The following FARSB variants were observed in gnomAD, a reference collection of about 807,000 sequenced individuals.
FARSB encodes the protein phenylalanine--tRNA ligase beta subunit.
In FARSB, 40 loss-of-function variants were observed where a neutral mutation model predicts 69.6. The ratio of observed to expected loss-of-function variants is 0.57; its 90% CI spans 0.45 to 0.75. The LOEUF is 0.75. Ranked by LOEUF, FARSB falls within the 30% of genes least tolerant of loss-of-function variation. The pLI is 0.00. For missense variants in FARSB, 632 were observed against 722.9 expected, an observed-to-expected ratio of 0.87 and a Z score of 1.44; for synonymous variants, 235 against 247.2, an observed-to-expected ratio of 0.95 and a Z score of 0.46.
intron 16 of FARSB, among the ~76,000 whole-genome samples, chr2:222,579,192 G>A (rs1689909495): frequency 6.6e-6 from 1 of 152,140 alleles, no homozygotes; most frequent in African/African-American, 2.4e-5. Context: ...GTGAATAAGG[G>A]CCGTGGAATC....
chr2:222,607,210 G>C (rs1346628020), intron 15 of FARSB, among the ~76,000 whole-genome samples: 1 of 152,106 alleles, frequency 6.6e-6, no homozygotes, highest in Non-Finnish European at 1.5e-5. Context: ...AGGATGCTAA[G>C]TTTGTAAAAA....
chr2:222,613,198 A>G (rs1690902683), intron 15 of FARSB, among the ~76,000 whole-genome samples: 1 of 152,262 alleles, frequency 6.6e-6, no homozygotes, highest in Non-Finnish European at 1.5e-5. Flanking sequence ...ATTCAAATAA[A>G]TTAATCATGA....
At chr2:222,592,556 A>G (rs1690301770) in intron 16 of FARSB, among the ~76,000 whole-genome samples, 1 of 151,814 alleles carries the variant, frequency 6.6e-6, no homozygotes, top group African/African-American at 2.4e-5. Context: ...CATCCTAAAA[A>G]TCCTTTGAAC....
intron 16 of FARSB, among the ~76,000 whole-genome samples, chr2:222,574,930 A>C (rs1689799818): frequency 1.3e-5 from 2 of 152,238 alleles, no homozygotes; most frequent in Admixed American, 1.3e-4. Flanking sequence ...TGTAAACTAG[A>C]AATACTGAAG....
intron 16 of FARSB, among the ~76,000 whole-genome samples, chr2:222,589,192 C>A (rs1341073492): frequency 6.6e-6 from 1 of 152,044 alleles, no homozygotes; most frequent in African/African-American, 2.4e-5. Flanking sequence ...AGAACAGAGC[C>A]CTCAGAAATA....
At chr2:222,624,096 AACTT>A (rs1371187016) in intron 12 of FARSB, among the ~76,000 whole-genome samples, 172 bp downstream of exon 12, 1 of 152,226 alleles carries the variant, frequency 6.6e-6, no homozygotes, top group Non-Finnish European at 1.5e-5. Context: ...ACAGGTTTTC[AACTT>A]ACTCTAATCA....
chr2:222,639,525 T>C, intron 5 of FARSB, 55 bp downstream of exon 5: 1 of 753,154 alleles, frequency 1.3e-6, no homozygotes, highest in Non-Finnish European at 2.3e-6. Context: ...GGAAAGGAGA[T>C]AGGGAGACAA....
At position 222,633,238 on chromosome 2, in the gene FARSB, T is replaced by A. The variant is rs1691483858; in HGVS notation, c.676A>T (p.Ser226Cys). 1.3e-6 allele frequency: 2 copies of A among 1,583,352 alleles called. No homozygotes were observed. Among genetic ancestry groups the A allele is most frequent in the Non-Finnish European group, 1.7e-6 (2 of 1,154,338 alleles). ...GGCATTGAAAGGACGACACCATTGC[T>A]ATCATAGATAACTGGATACAGGGGT... Reference protein sequence around the residue: ...NKPLYPVIYDSNGVVLSMPPI... With the variant: ...NKPLYPVIYDCNGVVLSMPPI... Residue 226 changes from serine (S) to cysteine (C), a missense_variant, in exon 7 of 17, where the codon AGC becomes TGC. Physicochemically the swap from Ser to Cys is moderately radical, Grantham distance 112. Coordinates refer to ENST00000281828, the MANE Select transcript of FARSB (RefSeq NM_005687.5).
Position 222,634,386 on chromosome 2 carries a change from T to C in FARSB, c.606+5A>G, listed in dbSNP as rs1420702579. ...AGCTGCTGCATAATCAAAAAGAATATTTACCTTGTATATGTTCATCAGTTC... is the reference window on the plus strand; with the variant it reads ...AGCTGCTGCATAATCAAAAAGAATACTTACCTTGTATATGTTCATCAGTTC... On this transcript the variant is annotated splice_donor_5th_base_variant and intron_variant, in intron 6 of 16. Transcript: ENST00000281828. The C allele has an allele frequency of 1.3e-6, 2 of 1,546,432 alleles. No homozygotes were observed. Among genetic ancestry groups the C allele is most frequent in the African/African-American group, 2.8e-5 (2 of 72,442 alleles).
At chr2:222,602,671 G>A (rs1298021349) in intron 15 of FARSB, among the ~76,000 whole-genome samples, 4 of 150,534 alleles carry the variant, frequency 2.7e-5, no homozygotes, top group Non-Finnish European at 4.4e-5. Flanking sequence ...TGTGCACAAC[G>A]TGCAGGTTTG....
At chr2:222,642,342 A>C (rs1691744244) in intron 3 of FARSB, among the ~76,000 whole-genome samples, 1 of 152,160 alleles carries the variant, frequency 6.6e-6, no homozygotes, top group African/African-American at 2.4e-5. Flanking sequence ...GGGCCTTATA[A>C]ATCTTCTTCA....
At chr2:222,589,940 T>G (rs1454822091) in intron 16 of FARSB, among the ~76,000 whole-genome samples, 1 of 152,194 alleles carries the variant, frequency 6.6e-6, no homozygotes, top group Non-Finnish European at 1.5e-5. Context: ...GTTCAACCAT[T>G]GTGGAAGACA....
chr2:222,573,840 G>A (rs1205162654), intron 16 of FARSB, among the ~76,000 whole-genome samples: 1 of 152,162 alleles, frequency 6.6e-6, no homozygotes, highest in East Asian at 1.9e-4. Context: ...GATTCAACGG[G>A]TACGTGTTCA....
chr2:222,652,664 G>A (rs1304611348), intron 1 of FARSB, among the ~76,000 whole-genome samples: 1 of 152,178 alleles, frequency 6.6e-6, no homozygotes, highest in Non-Finnish European at 1.5e-5. Flanking sequence ...GAATGAACCT[G>A]AAAGCAGTTT....
chr2:222,619,695 A>C lies in FARSB; in HGVS notation c.1294T>G (p.Ser432Ala), dbSNP rs760276039. ...DIADKLGVDI[S>A]ATKAVHISNP... ...CTTATGTGGACTGCCTTTGTTGCAG[A>C]GATATCCACACCTAGTTTATCAGCA... is the stretch of plus-strand genomic sequence containing the variant. The change falls in exon 14 of 17, where the codon TCT (serine) becomes GCT (alanine). Residue 432 changes from serine (S) to alanine (A), a missense_variant. Physicochemically the swap from Ser to Ala is moderately conservative, Grantham distance 99. Transcript: ENST00000281828. The C allele has an allele frequency of 2.5e-6, 4 of 1,607,938 alleles. No individual in the cohort carries two copies. In the African/African-American group the frequency reaches 5.3e-5, roughly 22 times the overall value.
Position 222,648,208 on chromosome 2 carries a change from C to T in FARSB, c.114+532G>A, listed in dbSNP as rs192351783. On this transcript the variant is annotated intron_variant, in intron 2 of 16. Coordinates refer to ENST00000281828, the MANE Select transcript of FARSB (RefSeq NM_005687.5). Reference sequence around the variant, plus strand: ...TTTTTTAAATATTGTAATCATTATACAATCAAAAGTCAAAGAAAATGCTTC... The same window carrying T: ...TTTTTTAAATATTGTAATCATTATATAATCAAAAGTCAAAGAAAATGCTTC... Among the ~76,000 whole-genome samples the T allele has an allele frequency of 5.5e-4, 84 of 152,132 alleles. 1 individual carries two copies. The highest frequency in any genetic ancestry group is 8.8e-5 in the Non-Finnish European group (6 of 68,006).
chr2:222,622,727 C>A (rs964729901), intron 13 of FARSB, among the ~76,000 whole-genome samples: 76 of 152,208 alleles, frequency 5.0e-4, no homozygotes, highest in African/African-American at 1.8e-3. Context: ...ATAATGAGAT[C>A]ATGCAGGTAT....
At chr2:222,636,454 T>C (rs975071855) in intron 5 of FARSB, among the ~76,000 whole-genome samples, 6 of 148,626 alleles carry the variant, frequency 4.0e-5, no homozygotes, top group Non-Finnish European at 7.4e-5. Context: ...ACTTCTTAAG[T>C]AGGTCATAAA....
intron 16 of FARSB, among the ~76,000 whole-genome samples, chr2:222,590,576 A>G (rs1690243877): frequency 6.6e-6 from 1 of 150,606 alleles, no homozygotes; most frequent in Admixed American, 6.6e-5. Context: ...GACAATTGGG[A>G]AAGGGGGACA....
Sources: gnomAD v4.1 joint callset for allele counts (sites outside exome capture counted in the v4.1 genomes callset) on GRCh38, gnomAD v4.1.1 for gene constraint, MANE v1.5 for transcripts, NCBI Gene and HGNC (gene_info 2026-07-23, HGNC 2026-07-21) for gene names.